The following CPNE4 variants were observed in gnomAD, a reference collection of about 807,000 sequenced individuals.
The protein encoded by CPNE4 is copine-4.
Under a neutral mutation model 67.9 loss-of-function variants are expected in CPNE4, and 25 were observed. The ratio of observed to expected loss-of-function variants is 0.37; its 90% CI spans 0.27 to 0.51. The LOEUF (loss-of-function observed/expected upper bound fraction) is 0.51. CPNE4 is among the 20% of genes least tolerant of loss of function. CPNE4 has a pLI of 0.93. For missense variants in CPNE4, 464 were observed against 690.8 expected, an observed-to-expected ratio of 0.67 and a Z score of 3.68; for synonymous variants, 242 against 244.9, an observed-to-expected ratio of 0.99 and a Z score of 0.11.
chr3:131,606,513 C>G (rs77483241), intron 7 of CPNE4, among the ~76,000 whole-genome samples: 3,507 of 152,278 alleles, frequency 0.023, 139 homozygotes, highest in African/African-American at 0.079. Flanking sequence ...GATTCACACA[C>G]GTGGTTCTGG....
chr3:131,579,218 T>C (rs1337405580), intron 9 of CPNE4, among the ~76,000 whole-genome samples: 1 of 152,216 alleles, frequency 6.6e-6, no homozygotes, highest in Non-Finnish European at 1.5e-5. Flanking sequence ...GCCCATGCTC[T>C]ACAAATGGAA....
intron 7 of CPNE4, among the ~76,000 whole-genome samples, chr3:131,653,143 C>CTTTTT (rs1206489252): frequency 1.3e-3 from 124 of 98,558 alleles, no homozygotes; most frequent in Middle Eastern, 6.8e-3. Flanking sequence ...GATAGGACTT[C>CTTTTT]TTTTTTTTTT....
At chr3:131,620,505 G>A (rs548478593) in intron 7 of CPNE4, 1 of 980,494 alleles carries the variant, frequency 1.0e-6, no homozygotes, top group African/African-American at 1.8e-5. Context: ...CTGATGGTAG[G>A]CAGAATAATG....
At chr3:131,579,670 TGAG>T in intron 9 of CPNE4, among the ~76,000 whole-genome samples, 1 of 152,250 alleles carries the variant, frequency 6.6e-6, no homozygotes, top group Non-Finnish European at 1.5e-5. Flanking sequence ...AGGATGACCT[TGAG>T]GAGTTCAAAA....
intron 1 of CPNE4, among the ~76,000 whole-genome samples, chr3:131,975,355 C>T (rs2072619872): frequency 2.0e-5 from 3 of 152,184 alleles, no homozygotes. Flanking sequence ...CGGTTGGCAA[C>T]TTGAGTGAGT....
chr3:131,582,989 A>G (rs1937939795), intron 8 of CPNE4, among the ~76,000 whole-genome samples: 1 of 152,202 alleles, frequency 6.6e-6, no homozygotes, highest in East Asian at 1.9e-4. Context: ...TCAGCAACAG[A>G]TAACTGATAC....
At chr3:131,700,797 A>G (rs1391735993) in intron 3 of CPNE4, among the ~76,000 whole-genome samples, 1 of 152,146 alleles carries the variant, frequency 6.6e-6, no homozygotes, top group Non-Finnish European at 1.5e-5. Context: ...ATGCACATGT[A>G]TGTTTATTGT....
rs3749261 is a variant in CPNE4 at position 131,905,175 on chromosome 3, A to C, written c.180+89T>G. On this transcript the variant is annotated intron_variant, in intron 2 of 15. Coordinates refer to ENST00000429747, the MANE Select transcript of CPNE4 (RefSeq NM_130808.3). ...ACTTCTCAAATTTCTTATTTCATCAAAATAAACCACCTGAAGATATAAAAT... is the reference window on the plus strand; with the variant it reads ...ACTTCTCAAATTTCTTATTTCATCACAATAAACCACCTGAAGATATAAAAT... The C allele has an allele frequency of 3.3e-4, 394 of 1,183,818 alleles. 2 individuals carry two copies. In the East Asian group the frequency reaches 7.9e-3, roughly 24 times the overall value. 73.3% of individuals were successfully genotyped at this position (1,183,818 alleles called of 1,614,324 possible). A position where few individuals can be genotyped will look rare whatever the true frequency, so the allele number is the denominator to read the frequency against.
chr3:131,708,957 GATATATATATATATATATATATATAT>G (rs202119937), intron 3 of CPNE4, among the ~76,000 whole-genome samples: 12 of 65,800 alleles, frequency 1.8e-4, no homozygotes, highest in Admixed American at 3.8e-4. Flanking sequence ...AGGGCATAAA[GATATATATATATATATATATATATAT>G]ATATATATAT....
At chr3:131,605,844 C>G (rs1215033234) in intron 7 of CPNE4, among the ~76,000 whole-genome samples, 2 of 152,068 alleles carry the variant, frequency 1.3e-5, no homozygotes, top group Non-Finnish European at 2.9e-5. Context: ...TTGAACATAC[C>G]ATTCACCTAC....
intron 2 of CPNE4, among the ~76,000 whole-genome samples, chr3:131,801,414 ACGTG>A (rs1452074868): frequency 3.0e-4 from 6 of 19,996 alleles, no homozygotes; most frequent in African/African-American, 8.5e-4. Context: ...GTACATATAT[ACGTG>A]TGTGTGTGTG....
chr3:131,663,224 C>T (rs1026319274), intron 7 of CPNE4, among the ~76,000 whole-genome samples: 1 of 151,966 alleles, frequency 6.6e-6, no homozygotes. Context: ...GAAAACCAAA[C>T]ACCACATGTT....
intron 2 of CPNE4, among the ~76,000 whole-genome samples, chr3:131,759,695 G>T (rs2082842179): frequency 6.6e-6 from 1 of 152,190 alleles, no homozygotes; most frequent in Non-Finnish European, 1.5e-5. Flanking sequence ...ACCACTTTAT[G>T]ATTGTTAAGA....
intron 3 of CPNE4, among the ~76,000 whole-genome samples, chr3:131,718,974 A>G (rs1225703604): frequency 1.3e-5 from 2 of 152,220 alleles, no homozygotes; most frequent in Admixed American, 1.3e-4. Flanking sequence ...CACAAATGTA[A>G]TATTCTGTGC....
At chr3:131,857,762 C>T (rs2086508727) in intron 2 of CPNE4, among the ~76,000 whole-genome samples, 1 of 151,968 alleles carries the variant, frequency 6.6e-6, no homozygotes, top group African/African-American at 2.4e-5. Context: ...TCTCTACCTC[C>T]CATCCTTTCT....
intron 5 of CPNE4, among the ~76,000 whole-genome samples, chr3:131,694,670 AG>A (rs529709665): frequency 5.9e-5 from 9 of 152,152 alleles, no homozygotes; most frequent in Non-Finnish European, 1.2e-4. Context: ...GATACTCTAA[AG>A]GAAGTGTGAC....
chr3:131,822,906 C>T lies in CPNE4; in HGVS notation c.180+82358G>A, dbSNP rs184843330. Among the ~76,000 whole-genome samples, 11 of 152,214 alleles carry T rather than the reference C, an allele frequency of 7.2e-5. No homozygotes were observed. In the East Asian group the frequency reaches 1.9e-3, roughly 27 times the overall value. ...AGGCTGGAGTGCAGTGGTGCGATCT[C>T]GGCTCACCTGCAACCTCTGTCTCCT... On this transcript the variant is annotated intron_variant, in intron 2 of 15. Coordinates refer to ENST00000429747, the MANE Select transcript of CPNE4 (RefSeq NM_130808.3).
intron 1 of CPNE4, among the ~76,000 whole-genome samples, chr3:131,999,749 T>C (rs1435052613): frequency 1.3e-5 from 2 of 152,014 alleles, no homozygotes; most frequent in Non-Finnish European, 2.9e-5. Flanking sequence ...TAAAATCCTT[T>C]AAACTTTTCA....
chr3:131,969,679 G>A (rs1390878672), intron 1 of CPNE4, among the ~76,000 whole-genome samples: 3 of 152,116 alleles, frequency 2.0e-5, no homozygotes, highest in Non-Finnish European at 4.4e-5. Context: ...AGGGGCAGCA[G>A]GGTGCTTTAT....
Sources: gnomAD v4.1 joint callset for allele counts (sites outside exome capture counted in the v4.1 genomes callset) on GRCh38, gnomAD v4.1.1 for gene constraint, MANE v1.5 for transcripts, NCBI Gene and HGNC (gene_info 2026-07-23, HGNC 2026-07-21) for gene names.